CSMD2: variants seen among roughly 807,000 people sequenced by gnomAD.
CSMD2 encodes CUB and sushi domain-containing protein 2.
Under a neutral mutation model 398.5 loss-of-function variants are expected in CSMD2, and 130 were observed. That is an observed-to-expected ratio of 0.33 (90% CI 0.28 to 0.38). The LOEUF is 0.38. Ranked by LOEUF, CSMD2 falls within the 10% of genes least tolerant of loss-of-function variation. The probability of loss-of-function intolerance (pLI) is 1.00; values close to 1 mark genes in which losing one functional copy is unlikely to be tolerated. For synonymous variants in CSMD2, 1,828 were observed against 1,908.5 expected, an observed-to-expected ratio of 0.96 and a Z score of 1.10; for missense variants, 3,829 against 4,764.9, an observed-to-expected ratio of 0.80 and a Z score of 5.78.
At chr1:33,844,349 A>T (rs968170603) in intron 6 of CSMD2, among the ~76,000 whole-genome samples, 4 of 152,124 alleles carry the variant, frequency 2.6e-5, no homozygotes, top group African/African-American at 9.7e-5. Flanking sequence ...TGTGTCTAGC[A>T]TCTAATGGGC....
In CSMD2 at chr1:33,578,315, C is replaced by T. The variant is rs76718792; in HGVS notation, c.7388-831G>A. ...AGACCAAAACCCTGGCCTGGGCTCACGCCAGTAATCCCAGCACTTTGTGAG... is the reference window on the plus strand; with the variant it reads ...AGACCAAAACCCTGGCCTGGGCTCATGCCAGTAATCCCAGCACTTTGTGAG... On this transcript the variant is annotated intron_variant, in intron 48 of 70. Coordinates refer to ENST00000373381, the MANE Select transcript of CSMD2 (RefSeq NM_001281956.2). Among the ~76,000 whole-genome samples, 157 of 152,362 alleles carry T rather than the reference C, an allele frequency of 1.0e-3. 2 individuals carry two copies. The East Asian group carries it at 0.026, about 25-fold the overall frequency.
At chr1:34,081,527 T>C (rs1180240629) in intron 2 of CSMD2, among the ~76,000 whole-genome samples, 1 of 152,042 alleles carries the variant, frequency 6.6e-6, no homozygotes, top group Non-Finnish European at 1.5e-5. Context: ...TGCCTGATTC[T>C]CCTGCCTCGG....
chr1:33,992,375 T>G (rs1646583753), intron 3 of CSMD2, among the ~76,000 whole-genome samples: 1 of 151,914 alleles, frequency 6.6e-6, no homozygotes, highest in South Asian at 2.1e-4. Flanking sequence ...CCCTTCTACT[T>G]CTTTGTATTT....
In CSMD2 at chr1:34,140,889, A is replaced by G. The variant is rs184568360; in HGVS notation, c.187+24022T>C. 5.9e-5 allele frequency among the ~76,000 whole-genome samples: 9 copies of G among 152,116 alleles called. No homozygotes were observed. In the East Asian group the frequency reaches 1.7e-3, roughly 29 times the overall value. ...GGCTAGCTCCAGAGACCAGGCTCAT[A>G]ATCACTTCCCACTGAACAGCCTTTC... On this transcript the variant is annotated intron_variant, in intron 1 of 70. Coordinates refer to ENST00000373381, the MANE Select transcript of CSMD2 (RefSeq NM_001281956.2).
chr1:34,023,911 G>A lies in CSMD2; in HGVS notation c.517+8683C>T, dbSNP rs138252528. The stretch of plus-strand genomic sequence containing the variant: ...GAGCAATTTTCTCCACGTGGTAGAC[G>A]AATTGGTTGTTTTTGAATAGCATCT... On this transcript the variant is annotated intron_variant, in intron 3 of 70. Coordinates refer to ENST00000373381, the MANE Select transcript of CSMD2 (RefSeq NM_001281956.2). Among the ~76,000 whole-genome samples, 5 of 152,302 alleles carry A rather than the reference G, an allele frequency of 3.3e-5. No homozygotes were observed. In the East Asian group the frequency reaches 7.7e-4, roughly 24 times the overall value.
At position 33,514,248 on chromosome 1, in the gene CSMD2, T is replaced by C. The variant is rs1653558014; in HGVS notation, c.*2376A>G. 1.3e-5 allele frequency: 2 copies of C among 151,392 alleles called. No individual in the cohort carries two copies. The highest frequency in any genetic ancestry group is 2.9e-5 in the Non-Finnish European group (2 of 67,902). 9.4% of individuals were successfully genotyped at this position (151,392 alleles called of 1,614,324 possible). ...TTTACAAAAAAGGCTTCCACTACCG[T>C]TTACCTACAATAATGAAAAAAAAAT... On this transcript the variant is annotated 3_prime_UTR_variant, in exon 71 of 71. Transcript: ENST00000373381.
chr1:33,561,042 A>T (rs1434962164), intron 53 of CSMD2, among the ~76,000 whole-genome samples: 3 of 152,306 alleles, frequency 2.0e-5, no homozygotes, highest in African/African-American at 7.2e-5. Context: ...ATTTGTGGGA[A>T]GATTAGGAAC....
chr1:33,626,081 C>T (rs973298128), intron 33 of CSMD2, among the ~76,000 whole-genome samples: 3 of 152,144 alleles, frequency 2.0e-5, no homozygotes, highest in African/African-American at 4.8e-5. Context: ...GGATTCAAAT[C>T]GATGTCCACG....
chr1:33,957,559 T>C (rs1487508400), intron 3 of CSMD2, among the ~76,000 whole-genome samples: 1 of 152,206 alleles, frequency 6.6e-6, no homozygotes, highest in Non-Finnish European at 1.5e-5. Flanking sequence ...ACAAGTTTCA[T>C]GCCTTATAGG....
chr1:33,852,045 T>G (rs1380613369), intron 5 of CSMD2, among the ~76,000 whole-genome samples: 1 of 152,086 alleles, frequency 6.6e-6, no homozygotes, highest in Non-Finnish European at 1.5e-5. Flanking sequence ...GTTACTATGC[T>G]CTGAACAAAC....
intron 19 of CSMD2, among the ~76,000 whole-genome samples, chr1:33,721,117 C>T (rs1198680498): frequency 6.6e-6 from 1 of 152,198 alleles, no homozygotes; most frequent in Non-Finnish European, 1.5e-5. Context: ...CTGCTGAGCA[C>T]CTTTCAACCG....
Position 33,725,457 on chromosome 1 carries a change from G to A in CSMD2, c.2587C>T (p.His863Tyr), listed in dbSNP as rs1171714892. 6.2e-7 allele frequency: 1 copy of A among 1,614,192 alleles called. No homozygotes were observed. The highest frequency in any genetic ancestry group is 1.7e-5 in the Admixed American group (1 of 60,026). ...AGGAACTGGGGAACCTGGGTCCCGT[G>A]GTAAACCCCGATCAAGGGCGCTGAG... is the stretch of plus-strand genomic sequence containing the variant. ...TYSAPLIGVYHGTQVPQFLIS... is the reference protein window; with the variant it reads ...TYSAPLIGVYYGTQVPQFLIS... Residue 863 changes from histidine (H) to tyrosine (Y), a missense_variant, in exon 17 of 71, where the codon CAC becomes TAC. Physicochemically the swap from His to Tyr is moderately conservative, Grantham distance 83. Around this residue, in one of 5 missense-constraint regions of CSMD2, gnomAD observed 2,001 missense variants for 2,567.1 expected, o/e 0.78. Transcript: ENST00000373381.
At chr1:33,641,387 C>T (rs1643100867) in intron 29 of CSMD2, among the ~76,000 whole-genome samples, 1 of 152,188 alleles carries the variant, frequency 6.6e-6, no homozygotes, top group African/African-American at 2.4e-5. Context: ...GAAAAGGCTG[C>T]CACACATGCT....
chr1:34,148,661 G>A (rs1192081189), intron 1 of CSMD2, among the ~76,000 whole-genome samples: 1 of 152,174 alleles, frequency 6.6e-6, no homozygotes, highest in African/African-American at 2.4e-5. Flanking sequence ...TCTGAGCCAG[G>A]CACTCTGCAA....
chr1:33,768,226 T>C (rs750432431), intron 13 of CSMD2, among the ~76,000 whole-genome samples: 28 of 152,176 alleles, frequency 1.8e-4, no homozygotes, highest in Non-Finnish European at 3.8e-4. Context: ...TATTTGGAAT[T>C]TGACAAAACT....
intron 52 of CSMD2, among the ~76,000 whole-genome samples, chr1:33,569,157 C>T (rs929843112): frequency 7.2e-5 from 11 of 152,164 alleles, no homozygotes; most frequent in African/African-American, 2.7e-4. Context: ...AAGCTTGTCT[C>T]TTTAGATCTG....
intron 49 of CSMD2, among the ~76,000 whole-genome samples, chr1:33,576,804 G>A (rs1209892266): frequency 1.4e-5 from 2 of 144,450 alleles, no homozygotes; most frequent in African/African-American, 5.1e-5. Context: ...ATTATCTACC[G>A]TTTTTTTTTT....
At chr1:34,092,330 G>A (rs1658665060) in intron 1 of CSMD2, among the ~76,000 whole-genome samples, 1 of 152,174 alleles carries the variant, frequency 6.6e-6, no homozygotes, top group Non-Finnish European at 1.5e-5. Context: ...CGGATGAAAA[G>A]CCCAATGACC....
At chr1:33,621,596 G>A (rs1641776042) in intron 37 of CSMD2, among the ~76,000 whole-genome samples, 1 of 152,208 alleles carries the variant, frequency 6.6e-6, no homozygotes, top group African/African-American at 2.4e-5. Flanking sequence ...GGAGAAAGGG[G>A]GTAGGGCAGG....
Sources: gnomAD v4.1 joint callset for allele counts (sites outside exome capture counted in the v4.1 genomes callset) on GRCh38, gnomAD v4.1.1 for gene constraint, gnomAD v4.1.1 regional missense constraint, MANE v1.5 for transcripts, NCBI Gene and HGNC (gene_info 2026-07-23, HGNC 2026-07-21) for gene names.